The following TSHZ2 variants were observed in gnomAD, a reference collection of about 807,000 sequenced individuals.
TSHZ2 encodes the protein teashirt homolog 2.
A neutral mutation model predicts 74.4 loss-of-function variants in TSHZ2; 21 were observed. The ratio of observed to expected loss-of-function variants is 0.28; its 90% CI spans 0.20 to 0.41. The LOEUF is 0.41. TSHZ2 is among the 10% of genes least tolerant of loss of function. The probability of loss-of-function intolerance (pLI) is 1.00; values close to 1 mark genes in which losing one functional copy is unlikely to be tolerated. For missense variants in TSHZ2, 1,244 were observed against 1,293.5 expected, an observed-to-expected ratio of 0.96 and a Z score of 0.59; for synonymous variants, 540 against 515.3, an observed-to-expected ratio of 1.05 and a Z score of -0.65.
chr20:53,466,287 G>GAA (rs575680303), intron 2 of TSHZ2, among the ~76,000 whole-genome samples: 3 of 143,680 alleles, frequency 2.1e-5, no homozygotes, highest in Admixed American at 6.9e-5. Flanking sequence ...AGAGAAAAAG[G>GAA]AAAAAAAAAA....
chr20:53,432,678 A>G (rs1983889018), intron 2 of TSHZ2, among the ~76,000 whole-genome samples: 2 of 152,162 alleles, frequency 1.3e-5, no homozygotes, highest in Non-Finnish European at 2.9e-5. Context: ...GGCTGGGGTA[A>G]GGTGACAAAA....
intron 2 of TSHZ2, among the ~76,000 whole-genome samples, chr20:53,481,512 T>C (rs1986148624): frequency 6.6e-6 from 1 of 151,200 alleles, no homozygotes; most frequent in Admixed American, 6.6e-5. Context: ...AGGCAGAGGT[T>C]GCAGTGAACA....
At chr20:53,293,837 G>A (rs1358553161) in intron 2 of TSHZ2, among the ~76,000 whole-genome samples, 5 of 151,946 alleles carry the variant, frequency 3.3e-5, no homozygotes, top group Non-Finnish European at 7.4e-5. Context: ...ACAACATGGT[G>A]AAACCCCATC....
chr20:52,996,956 C>A (rs1444151068), intron 1 of TSHZ2, among the ~76,000 whole-genome samples: 2 of 152,138 alleles, frequency 1.3e-5, no homozygotes, highest in African/African-American at 2.4e-5. Flanking sequence ...TAATAGGAGC[C>A]ACCTTTGATT....
At chr20:53,164,900 C>T (rs189165254) in intron 1 of TSHZ2, among the ~76,000 whole-genome samples, 17 of 152,314 alleles carry the variant, frequency 1.1e-4, no homozygotes, top group East Asian at 5.8e-4. Context: ...TAAAAGGACA[C>T]GCTTAGAGGG....
intron 2 of TSHZ2, among the ~76,000 whole-genome samples, chr20:53,315,567 C>A (rs1369095138): frequency 6.6e-6 from 1 of 152,180 alleles, no homozygotes; most frequent in Non-Finnish European, 1.5e-5. Flanking sequence ...TATGTGCTCT[C>A]TTGTCAAAGG....
intron 2 of TSHZ2, among the ~76,000 whole-genome samples, chr20:53,462,865 G>T (rs1268415209): frequency 6.6e-6 from 1 of 152,148 alleles, no homozygotes; most frequent in Non-Finnish European, 1.5e-5. Context: ...TCCAAATCCA[G>T]GTTCCACCTC....
chr20:52,976,810 T>C (rs1289196857), intron 1 of TSHZ2, among the ~76,000 whole-genome samples: 1 of 152,354 alleles, frequency 6.6e-6, no homozygotes, highest in East Asian at 1.9e-4. Context: ...AGTTATAGGA[T>C]TCTGCCCCTG....
At chr20:53,339,727 T>C (rs1047463659) in intron 2 of TSHZ2, among the ~76,000 whole-genome samples, 18 of 152,210 alleles carry the variant, frequency 1.2e-4, no homozygotes, top group African/African-American at 2.4e-5. Flanking sequence ...TCTCAGCCAC[T>C]GTGCTGCCAA....
chr20:53,386,304 G>A (rs1032033601), intron 2 of TSHZ2, among the ~76,000 whole-genome samples: 2 of 152,220 alleles, frequency 1.3e-5, no homozygotes, highest in Non-Finnish European at 2.9e-5. Flanking sequence ...ATATTCCTCT[G>A]TGTTCTTTCC....
chr20:53,350,448 T>G (rs1185844912), intron 2 of TSHZ2, among the ~76,000 whole-genome samples: 3 of 152,256 alleles, frequency 2.0e-5, no homozygotes, highest in Non-Finnish European at 2.9e-5. Flanking sequence ...GATTTTGTTA[T>G]GTTTGACCAG....
rs764256107 is a variant in TSHZ2, at chr20:53,391,479, G to GTT, written c.*9-95653_*9-95652dup. On this transcript the variant is annotated intron_variant, in intron 2 of 2. Coordinates refer to ENST00000371497, the MANE Select transcript of TSHZ2 (RefSeq NM_173485.6). ...GTTTGTTTGTTTGTTTTTTGTTTTT[G>GTT]TTTTTTTTTTTTTACAATCACAGCT... Among the ~76,000 whole-genome samples the GTT allele has an allele frequency of 1.7e-3, 247 of 141,252 alleles. 2 individuals are homozygous for GTT. Among genetic ancestry groups the GTT allele is most frequent in the African/African-American group, 5.7e-3 (225 of 39,598 alleles). The allele number at this position is 141,252 out of a possible 152,430, so 92.7% of individuals were successfully genotyped here. A position where few individuals can be genotyped will look rare whatever the true frequency, so the allele number is the denominator to read the frequency against.
intron 2 of TSHZ2, among the ~76,000 whole-genome samples, chr20:53,329,197 G>A (rs1054350909): frequency 2.0e-5 from 3 of 152,162 alleles, no homozygotes; most frequent in African/African-American, 7.2e-5. Flanking sequence ...TTAAAAACCG[G>A]AGAGGCAACT....
intron 2 of TSHZ2, among the ~76,000 whole-genome samples, chr20:53,455,816 T>G (rs1053754245): frequency 8.6e-5 from 13 of 150,818 alleles, no homozygotes; most frequent in African/African-American, 2.7e-4. Flanking sequence ...CAGTGTTTGG[T>G]TTTTTGTTCT....
intron 2 of TSHZ2, among the ~76,000 whole-genome samples, chr20:53,445,212 C>T (rs1239356086): frequency 1.3e-5 from 2 of 152,208 alleles, no homozygotes; most frequent in African/African-American, 4.8e-5. Flanking sequence ...TGCATAAACA[C>T]ATAAATAAGA....
At chr20:53,318,890 C>G (rs377514285) in intron 2 of TSHZ2, among the ~76,000 whole-genome samples, 56 of 152,278 alleles carry the variant, frequency 3.7e-4, no homozygotes, top group African/African-American at 1.3e-3. Context: ...TTCCACATGG[C>G]TGGAAAGGCC....
At chr20:53,314,406 C>T (rs561729589) in intron 2 of TSHZ2, among the ~76,000 whole-genome samples, 27 of 152,188 alleles carry the variant, frequency 1.8e-4, no homozygotes, top group Admixed American at 3.9e-4. Context: ...TCTTTGATTT[C>T]TTTCATTCTG....
In TSHZ2 at chr20:53,256,281, C is replaced by T. The variant is rs1990479084; in HGVS notation, c.2823C>T (p.Tyr941=). The T allele has an allele frequency of 6.2e-7, 1 of 1,614,176 alleles. No individual in the cohort carries two copies. The highest frequency in any genetic ancestry group is 8.5e-7 in the Non-Finnish European group (1 of 1,180,000). The change falls in exon 2 of 3, where the codon TAC becomes TAT. Residue 941 remains tyrosine, a synonymous_variant. Coordinates refer to ENST00000371497, the MANE Select transcript of TSHZ2 (RefSeq NM_173485.6). The surrounding 1 kb of genome is among the most constrained non-coding windows in gnomAD (Gnocchi z 4.3). ...CASQFRTPST[Y]ISHLESHLGF... ...CCCAGTTCAGAACCCCTTCTACCTA[C>T]ATCAGTCACTTAGAATCTCACCTGG...
intron 2 of TSHZ2, among the ~76,000 whole-genome samples, chr20:53,259,063 T>G (rs1004532284): frequency 1.3e-5 from 2 of 152,140 alleles, no homozygotes; most frequent in African/African-American, 2.4e-5. Context: ...ACCCCCGGGG[T>G]CCTCTTTTAG....
Sources: allele counts gnomAD v4.1 joint callset (sites outside exome capture counted in the v4.1 genomes callset), GRCh38; gene constraint gnomAD v4.1.1; non-coding constraint Gnocchi (gnomAD v3.1); transcripts MANE v1.5; gene names NCBI Gene and HGNC (gene_info 2026-07-23, HGNC 2026-07-21).